The following ERBIN variants were observed in gnomAD, a reference collection of about 807,000 sequenced individuals.
ERBIN encodes densin-180-like protein.
ERBIN carries 60 observed loss-of-function variants against 158.4 expected under a neutral mutation model. The observed-to-expected ratio is 0.38, with a 90% CI of 0.31 to 0.47. The LOEUF (loss-of-function observed/expected upper bound fraction) is 0.47. Among genes scored for constraint, ERBIN ranks in the 20% least tolerant of loss-of-function variants. ERBIN has a pLI of 0.99. For missense variants in ERBIN, 1,610 were observed against 1,648.0 expected (o/e 0.98, Z 0.40); for synonymous variants, 594 against 557.2 (o/e 1.07, Z -0.93).
chr5:66,028,467 A>G (rs917939511), intron 14 of ERBIN, 124 bp downstream of exon 14: 3 of 515,816 alleles, frequency 5.8e-6, no homozygotes, highest in Admixed American at 4.0e-5. Context: ...CATATCTTTT[A>G]TATAAGAAAA....
intron 1 of ERBIN, among the ~76,000 whole-genome samples, chr5:65,985,440 C>T (rs1751121224): frequency 6.6e-6 from 1 of 152,192 alleles, no homozygotes; most frequent in East Asian, 1.9e-4. Flanking sequence ...GTACCTTTTA[C>T]TAAATCAGAA....
chr5:65,941,561 T>C (rs1745045078), intron 1 of ERBIN, among the ~76,000 whole-genome samples: 1 of 152,144 alleles, frequency 6.6e-6, no homozygotes, highest in South Asian at 2.1e-4. Context: ...ACTGTAATTA[T>C]GTATATCATT....
At chr5:66,074,446 A>C (rs1337842371) in intron 22 of ERBIN, among the ~76,000 whole-genome samples, 2 of 152,208 alleles carry the variant, frequency 1.3e-5, no homozygotes, top group Non-Finnish European at 2.9e-5. Context: ...GCTAACATAC[A>C]CACAAGGAAT....
chr5:66,048,538 G>T, intron 18 of ERBIN, 129 bp from the exon 19 acceptor site: 1 of 625,962 alleles, frequency 1.6e-6, no homozygotes. Flanking sequence ...TTATTTTATT[G>T]CCGTATCTTG....
At position 66,079,390 on chromosome 5, in the gene ERBIN, A is replaced by G. The variant is rs971261321; in HGVS notation, c.*860A>G. ...TCCACTGATTTTTTTTTTTTTTTCA[A>G]ATGGTGGTACTTGCAATCTGTTTTA... On this transcript the variant is annotated 3_prime_UTR_variant, in exon 26 of 26. Coordinates refer to ENST00000284037, the MANE Select transcript of ERBIN (RefSeq NM_001253697.2). The G allele has an allele frequency of 6.6e-6, 1 of 150,808 alleles. No homozygotes were observed. Among genetic ancestry groups the G allele is most frequent in the South Asian group, 2.1e-4 (1 of 4,788 alleles). The allele number at this position is 150,808 out of a possible 1,614,324, so 9.3% of individuals were successfully genotyped here.
intron 25 of ERBIN, among the ~76,000 whole-genome samples, chr5:66,077,771 C>T (rs1457425245): frequency 1.4e-5 from 2 of 141,970 alleles, no homozygotes; most frequent in East Asian, 3.9e-4. Flanking sequence ...CACACACACA[C>T]ACACACACAC....
intron 21 of ERBIN, among the ~76,000 whole-genome samples, chr5:66,066,834 C>G (rs7718141): frequency 0.06 from 9,082 of 152,182 alleles, 936 homozygotes; most frequent in African/African-American, 0.21. Context: ...ATTGAGCACT[C>G]TACAATGTGT....
intron 1 of ERBIN, among the ~76,000 whole-genome samples, chr5:65,988,302 G>A (rs1424651888): frequency 3.9e-5 from 6 of 152,002 alleles, no homozygotes; most frequent in Non-Finnish European, 8.8e-5. Context: ...GTGCCCAGGA[G>A]TTTGAGGCCG....
intron 21 of ERBIN, among the ~76,000 whole-genome samples, chr5:66,070,738 C>T (rs1214193999): frequency 1.3e-5 from 2 of 152,068 alleles, no homozygotes; most frequent in African/African-American, 2.4e-5. Context: ...AATTAGATCA[C>T]GTCTAAAAAT....
chr5:66,021,821 CTG>C (rs879351772), intron 8 of ERBIN, among the ~76,000 whole-genome samples: 13 of 152,010 alleles, frequency 8.6e-5, no homozygotes, highest in South Asian at 8.3e-4. Flanking sequence ...AGTGAAACAA[CTG>C]TTATTTTTGA....
chr5:66,017,374 TA>T (rs2086265125), intron 7 of ERBIN, among the ~76,000 whole-genome samples: 2 of 152,174 alleles, frequency 1.3e-5, no homozygotes, highest in African/African-American at 4.8e-5. Context: ...TTTTTTGATA[TA>T]AGCCATTTTA....
chr5:65,945,572 G>A (rs866416015), intron 1 of ERBIN, among the ~76,000 whole-genome samples: 1 of 152,008 alleles, frequency 6.6e-6, no homozygotes, highest in Non-Finnish European at 1.5e-5. Context: ...CTCCTCTCTC[G>A]AATAGTGGCT....
intron 4 of ERBIN, among the ~76,000 whole-genome samples, chr5:66,003,747 TG>T (rs1246686500): frequency 1.3e-5 from 2 of 152,072 alleles, no homozygotes; most frequent in Admixed American, 6.6e-5. Context: ...AGGGCTTGTT[TG>T]TATTAAGACC....
intron 21 of ERBIN, among the ~76,000 whole-genome samples, chr5:66,061,775 A>T (rs1443032464): frequency 6.6e-6 from 1 of 152,058 alleles, no homozygotes; most frequent in Non-Finnish European, 1.5e-5. Flanking sequence ...CTTGTCTGTA[A>T]GGTATTTTAT....
chr5:65,937,981 A>G (rs1481041904), intron 1 of ERBIN, among the ~76,000 whole-genome samples: 1 of 152,128 alleles, frequency 6.6e-6, no homozygotes, highest in South Asian at 2.1e-4. Context: ...AATTTAGAAG[A>G]TCATTGATAA....
chr5:66,044,232 A>G lies in ERBIN; in HGVS notation c.1524A>G (p.Glu508=). The G allele has an allele frequency of 6.2e-7, 1 of 1,612,618 alleles. No individual in the cohort carries two copies. Among genetic ancestry groups the G allele is most frequent in the South Asian group, 1.1e-5 (1 of 90,736 alleles). The change falls in exon 17 of 26, where the codon GAA becomes GAG. Residue 508 remains glutamate (E), a synonymous_variant. Transcript: ENST00000284037. The stretch of plus-strand genomic sequence containing the variant: ...CCATTGTACATAGATTAAAAGATGA[A>G]GAGACCAATGAAGACTCAGGAAGAG... ...VQTIVHRLKD[E]ETNEDSGRDL... is the part of the protein sequence containing the mutation.
chr5:66,006,246 A>T (rs1391014365), intron 4 of ERBIN, among the ~76,000 whole-genome samples: 1 of 152,196 alleles, frequency 6.6e-6, no homozygotes, highest in Non-Finnish European at 1.5e-5. Context: ...CCACATACCT[A>T]CAACTATCTG....
intron 1 of ERBIN, among the ~76,000 whole-genome samples, chr5:65,934,322 A>C (rs1743815648): frequency 6.6e-6 from 1 of 152,210 alleles, no homozygotes; most frequent in Non-Finnish European, 1.5e-5. Flanking sequence ...AACCTCAATT[A>C]TCCCAATAAT....
intron 22 of ERBIN, among the ~76,000 whole-genome samples, chr5:66,073,241 A>G (rs1268275942): frequency 1.3e-5 from 2 of 152,202 alleles, no homozygotes; most frequent in Non-Finnish European, 2.9e-5. Context: ...CCCAGGAGAA[A>G]GATACTGAAT....
Sources: allele counts gnomAD v4.1 joint callset (sites outside exome capture counted in the v4.1 genomes callset), GRCh38; gene constraint gnomAD v4.1.1; transcripts MANE v1.5; gene names NCBI Gene and HGNC (gene_info 2026-07-23, HGNC 2026-07-21).